Variants in SDC1 observed in about 807,000 individuals in gnomAD.
SDC1 encodes the protein syndecan-1.
Under a neutral mutation model 29.7 loss-of-function variants are expected in SDC1, and 14 were observed. The ratio of observed to expected loss-of-function variants is 0.47; its 90% confidence interval spans 0.31 to 0.74. SDC1 has a LOEUF of 0.74. Ranked by LOEUF, SDC1 falls within the 30% of genes least tolerant of loss-of-function variation. SDC1 has a pLI of 0.05. For synonymous variants in SDC1, 204 were observed against 175.5 expected, an observed-to-expected ratio of 1.16 and a Z score of -1.29; for missense variants, 406 against 400.3, an observed-to-expected ratio of 1.01 and a Z score of -0.12.
rs141073701 is a variant in SDC1 at position 20,204,128 on chromosome 2, A to G, written c.312T>C (p.Ala104=). Residue 104 remains alanine (A), a synonymous_variant, in exon 3 of 5, where the codon GCT becomes GCC. Coordinates refer to ENST00000254351, the MANE Select transcript of SDC1 (RefSeq NM_002997.5). The stretch of plus-strand genomic sequence containing the variant: ...CAGGCTCCACTTCTGGCAGGACTAC[A>G]GCCTCTCCCTCCTTGGGCCCCTCTC... ...PAGEGPKEGE[A]VVLPEVEPGL... is the part of the protein sequence containing the mutation. 13,667 of 1,604,848 alleles carry G rather than the reference A, an allele frequency of 8.5e-3. 73 individuals carry two copies. Among genetic ancestry groups the G allele is most frequent in the Middle Eastern group, 0.014 (83 of 6,058 alleles).
intron 1 of SDC1, chr2:20,208,129 G>A: frequency 1.0e-6 from 1 of 985,412 alleles, no homozygotes; most frequent in Non-Finnish European, 1.2e-6. Context: ...TCAACAATGA[G>A]GCAACCGAAG....
chr2:20,202,313 T>C lies in SDC1; in HGVS notation c.*453A>G. On this transcript the variant is annotated 3_prime_UTR_variant, in exon 5 of 5. Transcript: ENST00000254351. ...CGAAACAAAGTGGACTCCTGTCCCC[T>C]GCCACTCAGCGGCCACCCCCCCAAG... 1 of 777,198 alleles carries C rather than the reference T, an allele frequency of 1.3e-6. No individual in the cohort carries two copies. The highest frequency in any genetic ancestry group is 2.4e-6 in the Non-Finnish European group (1 of 417,220). The allele number at this position is 777,198 out of a possible 1,614,324, so 48.1% of individuals were successfully genotyped here.
chr2:20,222,824 C>G (rs1677863259), intron 1 of SDC1, among the ~76,000 whole-genome samples: 1 of 152,234 alleles, frequency 6.6e-6, no homozygotes, highest in Non-Finnish European at 1.5e-5. Flanking sequence ...TTACCCCAGG[C>G]AGGCAAGGGA....
intron 1 of SDC1, among the ~76,000 whole-genome samples, chr2:20,213,539 C>T (rs1677539413): frequency 1.3e-5 from 2 of 152,206 alleles, no homozygotes; most frequent in Admixed American, 6.5e-5. Flanking sequence ...TATCCTAAAT[C>T]AAGGTGACCG....
intron 1 of SDC1, among the ~76,000 whole-genome samples, chr2:20,218,303 G>A (rs182783917): frequency 6.6e-6 from 1 of 152,314 alleles, no homozygotes; most frequent in East Asian, 1.9e-4. Flanking sequence ...CAAGGCCAAG[G>A]CCATGATGGA....
chr2:20,207,890 G>T, intron 1 of SDC1: 1 of 931,852 alleles, frequency 1.1e-6, no homozygotes, highest in Non-Finnish European at 1.3e-6. Context: ...ACTGCCCACC[G>T]GGGGATCACA....
Position 20,203,979 on chromosome 2 carries a change from TGGG to T in SDC1, c.458_460del (p.Pro153del). On this transcript the variant is annotated inframe_deletion, in exon 3 of 5. Transcript: ENST00000254351. ...ATGGTGGCCAGGCTGCATGTCCCTG[TGGG>T]GGTGGGAGGTGGCGGGCTCCTGGGC... The T allele has an allele frequency of 6.2e-7, 1 of 1,613,604 alleles. No homozygotes were observed. Among genetic ancestry groups the T allele is most frequent in the South Asian group, 1.1e-5 (1 of 91,050 alleles).
At position 20,204,177 on chromosome 2, in the gene SDC1, G is replaced by C; in HGVS notation, c.263C>G (p.Ala88Gly). ...TCCAGCCGGCAGGGTGGAGGTGGAG[G>C]CAGCTGTAGCCTCCAGGCCGGTGGG... ...PEPTGLEATA[A>G]STSTLPAGEG... The change falls in exon 3 of 5, where the codon GCC (alanine) becomes GGC (glycine). Residue 88 changes from alanine to glycine, a missense_variant. Coordinates refer to ENST00000254351, the MANE Select transcript of SDC1 (RefSeq NM_002997.5). 6.2e-7 allele frequency: 1 copy of C among 1,600,348 alleles called. No individual in the cohort carries two copies. Among genetic ancestry groups the C allele is most frequent in the Non-Finnish European group, 8.5e-7 (1 of 1,179,846 alleles).
chr2:20,202,423 G>C lies in SDC1; in HGVS notation c.*343C>G. On this transcript the variant is annotated 3_prime_UTR_variant, in exon 5 of 5. Coordinates refer to ENST00000254351, the MANE Select transcript of SDC1 (RefSeq NM_002997.5). ...TCTTCCAGCCACATGAGGCCATTTA[G>C]GTCCAAAGCAGTCGGATCCCCCTCC... 3.1e-6 allele frequency: 2 copies of C among 637,254 alleles called. No individual in the cohort carries two copies. Among genetic ancestry groups the C allele is most frequent in the Non-Finnish European group, 5.7e-6 (2 of 351,934 alleles). The allele number at this position is 637,254 out of a possible 1,614,324, so 39.5% of individuals were successfully genotyped here.
Position 20,202,647 on chromosome 2 carries a change from G to T in SDC1, c.*119C>A. 1.0e-6 allele frequency: 1 copy of T among 983,526 alleles called. No homozygotes were observed. The highest frequency in any genetic ancestry group is 1.6e-5 in the South Asian group (1 of 61,972). The allele number at this position is 983,526 out of a possible 1,614,324, so 60.9% of individuals were successfully genotyped here. A position where few individuals can be genotyped will look rare whatever the true frequency, so the allele number is the denominator to read the frequency against. On this transcript the variant is annotated 3_prime_UTR_variant, in exon 5 of 5. Coordinates refer to ENST00000254351, the MANE Select transcript of SDC1 (RefSeq NM_002997.5). ...CTCCGTGGGCAGGAGCGACCAGAGG[G>T]GCTGGAATGCTGGGGAGGTGGCCTG...
At position 20,224,547 on chromosome 2, in the gene SDC1, G is replaced by A. The variant is rs1319020488; in HGVS notation, c.66+255C>T. 6.6e-6 allele frequency among the ~76,000 whole-genome samples: 1 copy of A among 151,636 alleles called. No homozygotes were observed. The highest frequency in any genetic ancestry group is 1.5e-5 in the Non-Finnish European group (1 of 67,832). On this transcript the variant is annotated intron_variant, in intron 1 of 4. Coordinates refer to ENST00000254351, the MANE Select transcript of SDC1 (RefSeq NM_002997.5). This position sits in a 1 kb window ranked among gnomAD's most constrained non-coding sequence, Gnocchi z 4.9. Reference sequence around the variant, plus strand: ...GGCGGGCTCCGACAGATGTGGAGACGTTTTACATAATTGAGCGCGGGGCCC... The same window carrying A: ...GGCGGGCTCCGACAGATGTGGAGACATTTTACATAATTGAGCGCGGGGCCC...
chr2:20,208,440 A>T (rs1260277928), intron 1 of SDC1, among the ~76,000 whole-genome samples: 1 of 152,156 alleles, frequency 6.6e-6, no homozygotes, highest in Non-Finnish European at 1.5e-5. Flanking sequence ...TTCAGTCTCC[A>T]CTAAGGGGAC....
chr2:20,205,187 C>T (rs1190508801), intron 2 of SDC1, among the ~76,000 whole-genome samples, 156 bp downstream of exon 2: 1 of 152,234 alleles, frequency 6.6e-6, no homozygotes, highest in Non-Finnish European at 1.5e-5. Flanking sequence ...CCCCATTCCT[C>T]TCCTCAGCAT....
intron 1 of SDC1, chr2:20,207,896 TCA>T (rs928285731): frequency 2.1e-6 from 2 of 958,224 alleles, no homozygotes; most frequent in Non-Finnish European, 2.5e-6. Context: ...CACCGGGGGA[TCA>T]CAGAGTGGGC....
intron 1 of SDC1, among the ~76,000 whole-genome samples, chr2:20,209,350 G>T (rs76163213): frequency 0.03 from 4,565 of 152,202 alleles, 232 homozygotes; most frequent in African/African-American, 0.1. Flanking sequence ...ACAACTCCCC[G>T]TGCAGCAGCA....
In SDC1 at chr2:20,204,080, C is replaced by T; in HGVS notation, c.360G>A (p.Glu120=). 2 of 1,610,694 alleles carry T rather than the reference C, an allele frequency of 1.2e-6. No homozygotes were observed. Among genetic ancestry groups the T allele is most frequent in the East Asian group, 2.2e-5 (1 of 44,866 alleles). The stretch of plus-strand genomic sequence containing the variant: ...TGGTCTCCCTGGGTCGGGGGGTGGC[C>T]TCCTGCTCCCGGGCGGTGAGGCCAG... ...VEPGLTAREQ[E]ATPRPRETTQ... The change falls in exon 3 of 5, where the codon GAG becomes GAA. Residue 120 remains glutamate, a synonymous_variant. Transcript: ENST00000254351.
intron 1 of SDC1, among the ~76,000 whole-genome samples, chr2:20,208,993 T>C (rs909725899): frequency 1.3e-5 from 2 of 152,178 alleles, no homozygotes; most frequent in African/African-American, 4.8e-5. Context: ...GCCCAAGGTT[T>C]GGCTCGCCTA....
intron 1 of SDC1, among the ~76,000 whole-genome samples, chr2:20,207,608 G>C (rs1677320973): frequency 6.6e-6 from 1 of 152,232 alleles, no homozygotes; most frequent in Admixed American, 6.5e-5. Context: ...GGGAGGCTGA[G>C]GCAGGAGAAT....
chr2:20,209,056 G>A (rs1459708647), intron 1 of SDC1, among the ~76,000 whole-genome samples: 1 of 152,170 alleles, frequency 6.6e-6, no homozygotes, highest in Non-Finnish European at 1.5e-5. Flanking sequence ...AGGGAGTAAG[G>A]GAGTAAGGGT....
Sources: allele counts gnomAD v4.1 joint callset (sites outside exome capture counted in the v4.1 genomes callset), GRCh38; gene constraint gnomAD v4.1.1; non-coding constraint Gnocchi (gnomAD v3.1); transcripts MANE v1.5; gene names NCBI Gene and HGNC (gene_info 2026-07-23, HGNC 2026-07-21).